Variants in ADAMTS20 observed in about 807,000 individuals in gnomAD.
The protein encoded by ADAMTS20 is ADAM metallopeptidase with thrombospondin type 1 motif 20.
A neutral mutation model predicts 260.1 loss-of-function variants in ADAMTS20; 225 were observed. The ratio of observed to expected loss-of-function variants is 0.87; its 90% confidence interval spans 0.78 to 0.97. The LOEUF is 0.97. Ranked by LOEUF, ADAMTS20 falls within the 50% of genes least tolerant of loss-of-function variation. The pLI is 0.00. For synonymous variants in ADAMTS20, 802 were observed against 769.5 expected (o/e 1.04, Z -0.70); for missense variants, 2,400 against 2,337.7 (o/e 1.03, Z -0.55).
intron 2 of ADAMTS20, among the ~76,000 whole-genome samples, chr12:43,548,511 G>T (rs1258291482): frequency 2.7e-5 from 4 of 148,930 alleles, no homozygotes; most frequent in East Asian, 1.9e-4. Context: ...ATTACAAATG[G>T]ATTCTAAAAT....
chr12:43,492,607 TCAAAA>T lies in ADAMTS20; in HGVS notation c.969_973del (p.Asn323LysfsTer18), dbSNP rs1415349787. 1 of 1,613,732 alleles carries T rather than the reference TCAAAA, an allele frequency of 6.2e-7. No homozygotes were observed. The highest frequency in any genetic ancestry group is 1.7e-5 in the Admixed American group (1 of 59,978). ...AAAGTTCTTTAATGTGGTAGCACCA[TCAAAA>T]TTAATGACTGGTCCTTCCTATGCAA... On this transcript the variant is annotated frameshift_variant, in exon 6 of 39. Coordinates refer to ENST00000389420, the MANE Select transcript of ADAMTS20 (RefSeq NM_025003.5). LOFTEE classifies it high-confidence loss of function.
At chr12:43,369,039 T>C (rs1167034033) in intron 37 of ADAMTS20, among the ~76,000 whole-genome samples, 1 of 152,114 alleles carries the variant, frequency 6.6e-6, no homozygotes, top group Admixed American at 6.6e-5. Context: ...ATGAAGAAAC[T>C]GATAACACAT....
intron 15 of ADAMTS20, among the ~76,000 whole-genome samples, chr12:43,446,049 G>A (rs918799463): frequency 2.6e-5 from 4 of 152,058 alleles, no homozygotes; most frequent in African/African-American, 9.7e-5. Flanking sequence ...ATACTGCCTG[G>A]AAAATCAAAT....
In ADAMTS20 at chr12:43,438,933, C is replaced by A. The variant is rs111643740; in HGVS notation, c.2593+689G>T. 8.3e-3 allele frequency among the ~76,000 whole-genome samples: 1,264 copies of A among 152,234 alleles called. 22 individuals are homozygous for A. Among genetic ancestry groups the A allele is most frequent in the African/African-American group, 0.029 (1,209 of 41,538 alleles). ...TAATACATTAACATATATATTCATG[C>A]ATCTGTTTCAAGCACTAAAATAAAA... On this transcript the variant is annotated intron_variant, in intron 18 of 38. Transcript: ENST00000389420.
At chr12:43,494,139 C>G (rs1942644699) in intron 4 of ADAMTS20, among the ~76,000 whole-genome samples, 1 of 152,184 alleles carries the variant, frequency 6.6e-6, no homozygotes, top group Non-Finnish European at 1.5e-5. Context: ...GCAATGAAAT[C>G]TGCTTCTAAA....
At chr12:43,385,916 T>G (rs2137230844) in intron 29 of ADAMTS20, among the ~76,000 whole-genome samples, 1 of 152,340 alleles carries the variant, frequency 6.6e-6, no homozygotes, top group South Asian at 2.1e-4. Flanking sequence ...TATTCATTTC[T>G]TCGAGATTTT....
At chr12:43,434,418 G>A (rs1465998907) in intron 18 of ADAMTS20, 47 bp from the exon 19 acceptor site, 1 of 1,523,764 alleles carries the variant, frequency 6.6e-7, no homozygotes. Context: ...AAAATTCACA[G>A]TTAGATGTTC....
intron 9 of ADAMTS20, among the ~76,000 whole-genome samples, chr12:43,465,765 T>G (rs1942141852): frequency 6.6e-6 from 1 of 152,050 alleles, no homozygotes; most frequent in Non-Finnish European, 1.5e-5. Flanking sequence ...TCTGTACAGA[T>G]CAGCAAGTAT....
chr12:43,434,001 T>G (rs1313962313), intron 19 of ADAMTS20, among the ~76,000 whole-genome samples: 1 of 152,184 alleles, frequency 6.6e-6, no homozygotes, highest in Non-Finnish European at 1.5e-5. Flanking sequence ...ACAGACAAAA[T>G]TACAATCTTT....
intron 28 of ADAMTS20, among the ~76,000 whole-genome samples, chr12:43,414,439 T>C (rs1037005594): frequency 1.3e-5 from 2 of 152,108 alleles, no homozygotes; most frequent in Non-Finnish European, 2.9e-5. Flanking sequence ...AGGTGATACA[T>C]CCTTCAATAC....
intron 28 of ADAMTS20, among the ~76,000 whole-genome samples, chr12:43,410,877 T>C (rs185309125): frequency 6.6e-6 from 1 of 152,238 alleles, no homozygotes; most frequent in African/African-American, 2.4e-5. Context: ...TATTGTATTA[T>C]GTATGGCCTC....
chr12:43,512,633 A>C (rs888833188), intron 3 of ADAMTS20, among the ~76,000 whole-genome samples: 4 of 152,102 alleles, frequency 2.6e-5, no homozygotes, highest in Admixed American at 6.5e-5. Context: ...CCAACTACTA[A>C]TAATAAATTT....
At position 43,383,596 on chromosome 12, in the gene ADAMTS20, G is replaced by A; in HGVS notation, c.4759C>T (p.Pro1587Ser). The part of the protein sequence containing the change: ...SLTSKNCRNP[P>S]CNYIVVTADS... ...GCTGTTACCACAATGTAATTGCAAGGAGGGTTCCTGCAATTCTTGGATGTA... is the reference window on the plus strand; with the variant it reads ...GCTGTTACCACAATGTAATTGCAAGAAGGGTTCCTGCAATTCTTGGATGTA... The change falls in exon 31 of 39, where the codon CCT (proline) becomes TCT (serine). Residue 1587 changes from proline (P) to serine (S), a missense_variant. Physicochemically the swap from Pro to Ser is moderately conservative, Grantham distance 74 (BLOSUM62 -1). Transcript: ENST00000389420. 6.2e-7 allele frequency: 1 copy of A among 1,613,480 alleles called. No individual in the cohort carries two copies. The highest frequency in any genetic ancestry group is 8.5e-7 in the Non-Finnish European group (1 of 1,179,652).
At chr12:43,369,987 C>G (rs1418991989) in intron 36 of ADAMTS20, among the ~76,000 whole-genome samples, 1 of 152,036 alleles carries the variant, frequency 6.6e-6, no homozygotes, top group Admixed American at 6.6e-5. Flanking sequence ...TGGATTAAAA[C>G]AGGCTGGAAG....
intron 2 of ADAMTS20, among the ~76,000 whole-genome samples, chr12:43,542,899 C>G (rs918162549): frequency 6.6e-6 from 1 of 152,138 alleles, no homozygotes; most frequent in Non-Finnish European, 1.5e-5. Context: ...TCCCCCAAGA[C>G]AACATCCTCC....
intron 3 of ADAMTS20, 55 bp from the exon 4 acceptor site, chr12:43,502,460 AT>A: frequency 6.5e-6 from 10 of 1,535,234 alleles, no homozygotes; most frequent in Non-Finnish European, 8.7e-6. Flanking sequence ...GTGACGAAAA[AT>A]ATCGCAAAAA....
At chr12:43,402,707 A>G (rs530891604) in intron 28 of ADAMTS20, among the ~76,000 whole-genome samples, 67 of 152,178 alleles carry the variant, frequency 4.4e-4, no homozygotes, top group African/African-American at 1.5e-3. Context: ...CTGGTATCCC[A>G]GCAATCTGCT....
intron 7 of ADAMTS20, among the ~76,000 whole-genome samples, chr12:43,489,111 G>A (rs1185851644): frequency 6.6e-6 from 1 of 150,824 alleles, no homozygotes; most frequent in Admixed American, 6.6e-5. Flanking sequence ...CTAATATGAT[G>A]TCAAAAAAAA....
At chr12:43,532,555 G>GTTT (rs370124548) in intron 2 of ADAMTS20, among the ~76,000 whole-genome samples, 40,419 of 136,918 alleles carry the variant, frequency 0.3, 6,489 homozygotes, top group East Asian at 0.56. Context: ...TTTTTTTAAT[G>GTTT]TTTTTTTTTT....
Sources: allele counts gnomAD v4.1 joint callset (sites outside exome capture counted in the v4.1 genomes callset), GRCh38; gene constraint gnomAD v4.1.1; transcripts MANE v1.5; gene names NCBI Gene and HGNC (gene_info 2026-07-23, HGNC 2026-07-21).